ADAMTS2: variants seen among roughly 807,000 people sequenced by gnomAD.
ADAMTS2 encodes the protein A disintegrin and metalloproteinase with thrombospondin motifs 2.
A neutral mutation model predicts 123.0 loss-of-function variants in ADAMTS2; 50 were observed. That is an observed-to-expected ratio of 0.41 (90% CI 0.32 to 0.51). The LOEUF is 0.51. ADAMTS2 is among the 20% of genes least tolerant of loss of function. The probability of loss-of-function intolerance (pLI) is 0.35; values close to 1 mark genes in which losing one functional copy is unlikely to be tolerated. For synonymous variants in ADAMTS2, 678 were observed against 695.4 expected (o/e 0.98, Z 0.39); for missense variants, 1,494 against 1,705.2 (o/e 0.88, Z 2.18).
rs908005447 is a variant in ADAMTS2 at position 179,213,434 on chromosome 5, G to A, written c.689-5719C>T. On this transcript the variant is annotated intron_variant, in intron 3 of 21. Coordinates refer to ENST00000251582, the MANE Select transcript of ADAMTS2 (RefSeq NM_014244.5). ...AGACCATGGGGTCTGGTGTGCCTCA[G>A]TGTCCCCAGTGCCCCACAGGTAACC... Among the ~76,000 whole-genome samples, 6 of 152,310 alleles carry A rather than the reference G, an allele frequency of 3.9e-5. No homozygotes were observed. The East Asian group carries it at 1.2e-3, about 29-fold the overall frequency.
chr5:179,231,070 A>G (rs766147650), intron 3 of ADAMTS2, among the ~76,000 whole-genome samples: 9 of 151,908 alleles, frequency 5.9e-5, no homozygotes, highest in Non-Finnish European at 1.0e-4. Context: ...TGTATTGCAC[A>G]TCCACATCAG....
intron 3 of ADAMTS2, among the ~76,000 whole-genome samples, chr5:179,211,625 C>T (rs1357035046): frequency 6.6e-6 from 1 of 152,182 alleles, no homozygotes; most frequent in Non-Finnish European, 1.5e-5. Context: ...AACAAAAAGA[C>T]TCTATCGAAG....
chr5:179,336,131 C>T (rs932853763), intron 2 of ADAMTS2, among the ~76,000 whole-genome samples: 3 of 152,258 alleles, frequency 2.0e-5, no homozygotes, highest in Non-Finnish European at 4.4e-5. Flanking sequence ...TTCCATTTCC[C>T]AACCCCTGAA....
intron 2 of ADAMTS2, among the ~76,000 whole-genome samples, chr5:179,284,585 C>T (rs1212802452): frequency 6.6e-6 from 1 of 152,036 alleles, no homozygotes; most frequent in African/African-American, 2.4e-5. Flanking sequence ...CGGGGTTTCG[C>T]CATGTTGGCC....
Position 179,180,206 on chromosome 5 carries a change from T to C in ADAMTS2, c.975+866A>G, listed in dbSNP as rs1240482489. Reference sequence around the variant, plus strand: ...CACGGGCCGTACCGTGGGGCTCCTCTCTTCCTCTGTCTGCACAGCATCCCG... The same window carrying C: ...CACGGGCCGTACCGTGGGGCTCCTCCCTTCCTCTGTCTGCACAGCATCCCG... On this transcript the variant is annotated intron_variant, in intron 5 of 21. Coordinates refer to ENST00000251582, the MANE Select transcript of ADAMTS2 (RefSeq NM_014244.5). This position sits in a 1 kb window ranked among gnomAD's most constrained non-coding sequence, Gnocchi z 4.6. 6.6e-6 allele frequency among the ~76,000 whole-genome samples: 1 copy of C among 152,190 alleles called. No homozygotes were observed. Among genetic ancestry groups the C allele is most frequent in the African/African-American group, 2.4e-5 (1 of 41,438 alleles).
intron 3 of ADAMTS2, among the ~76,000 whole-genome samples, chr5:179,223,513 A>AATGCACACACAC (rs1554131683): frequency 3.5e-5 from 2 of 57,228 alleles, no homozygotes; most frequent in East Asian, 4.3e-3. Flanking sequence ...CACTCATACG[A>AATGCACACACAC]ATGCACTCAC....
intron 5 of ADAMTS2, among the ~76,000 whole-genome samples, chr5:179,177,214 A>G (rs73809707): frequency 0.01 from 1,556 of 152,370 alleles, 28 homozygotes; most frequent in African/African-American, 0.035. Flanking sequence ...GATGAACTGT[A>G]TGAATAGATT....
Position 179,205,787 on chromosome 5 carries a change from T to TTATTATTATTATTATTA in ADAMTS2, c.891+1725_891+1726insTAATAATAATAATAATA, listed in dbSNP as rs758652100. 7.6e-3 allele frequency among the ~76,000 whole-genome samples: 738 copies of TTATTATTATTATTATTA among 96,568 alleles called. 3 individuals carry two copies. The highest frequency in any genetic ancestry group is 0.013 in the East Asian group (63 of 4,696). The allele number at this position is 96,568 out of a possible 152,430, so 63.4% of individuals were successfully genotyped here. On this transcript the variant is annotated intron_variant, in intron 4 of 21. Transcript: ENST00000251582. The stretch of plus-strand genomic sequence containing the variant: ...TATTATTATTATTATTATTATTATT[T>TTATTATTATTATTATTA]TTGAGACGGAGTCTCGCTCTGTCAC...
rs1765486412 is a variant in ADAMTS2, at chr5:179,234,727, C to T, written c.689-27012G>A. 1.3e-5 allele frequency among the ~76,000 whole-genome samples: 2 copies of T among 152,188 alleles called. No individual in the cohort carries two copies. The highest frequency in any genetic ancestry group is 2.4e-5 in the African/African-American group (1 of 41,444). On this transcript the variant is annotated intron_variant, in intron 3 of 21. Coordinates refer to ENST00000251582, the MANE Select transcript of ADAMTS2 (RefSeq NM_014244.5). This position sits in a 1 kb window ranked among gnomAD's most constrained non-coding sequence, Gnocchi z 4.7. Reference sequence around the variant, plus strand: ...CGCATCCTGGCACCTTCCCCATCTCCCCGTCCATGATGAGCTCAGCCCCTC... The same window carrying T: ...CGCATCCTGGCACCTTCCCCATCTCTCCGTCCATGATGAGCTCAGCCCCTC...
chr5:179,285,640 C>T lies in ADAMTS2; in HGVS notation c.535-12576G>A, dbSNP rs1057292156. Among the ~76,000 whole-genome samples the T allele has an allele frequency of 4.6e-5, 7 of 152,324 alleles. No individual in the cohort carries two copies. Among genetic ancestry groups the T allele is most frequent in the African/African-American group, 9.6e-5 (4 of 41,572 alleles). On this transcript the variant is annotated intron_variant, in intron 2 of 21. Transcript: ENST00000251582. The surrounding 1 kb of genome is among the most constrained non-coding windows in gnomAD (Gnocchi z 4.9). ...TTGTGACGAGAACTGACACTCGTCC[C>T]GGCCAGATTCTCTGGCTGACATTTC...
At chr5:179,253,888 G>T (rs1049602564) in intron 3 of ADAMTS2, among the ~76,000 whole-genome samples, 1 of 152,174 alleles carries the variant, frequency 6.6e-6, no homozygotes, top group Non-Finnish European at 1.5e-5. Flanking sequence ...AGCTGCTCAT[G>T]GGCCTTTCTC....
Position 179,258,034 on chromosome 5 carries a change from C to T in ADAMTS2, c.688+14877G>A, listed in dbSNP as rs149624112. Among the ~76,000 whole-genome samples, 885 of 152,240 alleles carry T rather than the reference C, an allele frequency of 5.8e-3. 12 individuals are homozygous for T. Among genetic ancestry groups the T allele is most frequent in the African/African-American group, 0.018 (750 of 41,542 alleles). On this transcript the variant is annotated intron_variant, in intron 3 of 21. Coordinates refer to ENST00000251582, the MANE Select transcript of ADAMTS2 (RefSeq NM_014244.5). ...CCAGGCCCCCATCAGTGTGCCCATA[C>T]GAGACCACTGTCCTCAGCGAACGCC...
At chr5:179,304,457 C>A (rs1292817969) in intron 2 of ADAMTS2, among the ~76,000 whole-genome samples, 1 of 152,164 alleles carries the variant, frequency 6.6e-6, no homozygotes, top group Non-Finnish European at 1.5e-5. Flanking sequence ...AGGGCAAAAA[C>A]TCTGGCAACT....
intron 2 of ADAMTS2, among the ~76,000 whole-genome samples, chr5:179,333,704 A>AT (rs1227386636): frequency 6.8e-6 from 1 of 146,944 alleles, no homozygotes; most frequent in African/African-American, 2.5e-5. Context: ...GGTTCAAGAG[A>AT]TTCTCCTGCC....
intron 2 of ADAMTS2, among the ~76,000 whole-genome samples, chr5:179,339,636 G>C (rs1757711506): frequency 6.6e-6 from 1 of 152,204 alleles, no homozygotes; most frequent in Admixed American, 6.5e-5. Context: ...GCTCCTACCT[G>C]GGGAGCCCCG....
At chr5:179,134,551 C>T (rs775553130) in intron 13 of ADAMTS2, among the ~76,000 whole-genome samples, 6 of 152,208 alleles carry the variant, frequency 3.9e-5, no homozygotes, top group Non-Finnish European at 7.3e-5. Flanking sequence ...GGCCTCCCCA[C>T]GTCCTCACTG....
intron 4 of ADAMTS2, among the ~76,000 whole-genome samples, chr5:179,187,692 G>A (rs252070): frequency 0.37 from 56,030 of 151,948 alleles, 10,714 homozygotes; most frequent in Non-Finnish European, 0.43. Flanking sequence ...CAGGTTGCAG[G>A]GGGAGGGGAA....
rs190784650 is a variant in ADAMTS2, at chr5:179,262,271, G to A, written c.688+10640C>T. On this transcript the variant is annotated intron_variant, in intron 3 of 21. Transcript: ENST00000251582. The surrounding 1 kb of genome is among the most constrained non-coding windows in gnomAD (Gnocchi z 5.9). ...GGCCACCAGCCAGCCTCCCAGCCACGTGACCTCTCAGGGGCAGGATGTGTC... is the reference window on the plus strand; with the variant it reads ...GGCCACCAGCCAGCCTCCCAGCCACATGACCTCTCAGGGGCAGGATGTGTC... Among the ~76,000 whole-genome samples the A allele has an allele frequency of 3.3e-5, 5 of 151,974 alleles. No individual in the cohort carries two copies. The highest frequency in any genetic ancestry group is 1.2e-4 in the African/African-American group (5 of 41,414).
At chr5:179,183,190 T>C (rs1190484780) in intron 4 of ADAMTS2, among the ~76,000 whole-genome samples, 1 of 152,218 alleles carries the variant, frequency 6.6e-6, no homozygotes, top group Non-Finnish European at 1.5e-5. Context: ...CTAGATTGTT[T>C]AGTCCACGCT....
Sources: gnomAD v4.1 joint callset for allele counts (sites outside exome capture counted in the v4.1 genomes callset) on GRCh38, gnomAD v4.1.1 for gene constraint, Gnocchi (gnomAD v3.1) non-coding constraint, MANE v1.5 for transcripts, NCBI Gene and HGNC (gene_info 2026-07-23, HGNC 2026-07-21) for gene names.